Variants in TNFAIP2 observed in about 807,000 individuals in gnomAD.
TNFAIP2 encodes TNF alpha induced protein 2.
In TNFAIP2, 47 loss-of-function variants were observed where a neutral mutation model predicts 63.5. That is an observed-to-expected ratio of 0.74 (90% CI 0.59 to 0.94). The LOEUF is 0.94. Among genes scored for constraint, TNFAIP2 ranks in the 40% least tolerant of loss-of-function variants. The pLI is 0.00. For synonymous variants in TNFAIP2, 405 were observed against 390.2 expected (o/e 1.04, Z -0.45); for missense variants, 787 against 850.2 (o/e 0.93, Z 0.92).
intron 9 of TNFAIP2, 127 bp downstream of exon 9, chr14:103,132,999 C>T: frequency 6.9e-7 from 1 of 1,440,114 alleles, no homozygotes; most frequent in Non-Finnish European, 9.4e-7. Flanking sequence ...CACGTGAATG[C>T]ACGAGCATGT....
At chr14:103,132,962 A>C in intron 9 of TNFAIP2, 90 bp downstream of exon 9, 1 of 1,566,518 alleles carries the variant, frequency 6.4e-7, no homozygotes, top group Non-Finnish European at 8.7e-7. Flanking sequence ...ACTCACGCAC[A>C]TGTGCTCACA....
Position 103,135,727 on chromosome 14 carries a change from T to G in TNFAIP2, c.*367T>G. 1 of 1,253,582 alleles carries G rather than the reference T, an allele frequency of 8.0e-7. No individual in the cohort carries two copies. Among genetic ancestry groups the G allele is most frequent in the Non-Finnish European group, 1.0e-6 (1 of 976,724 alleles). 77.7% of individuals were successfully genotyped at this position (1,253,582 alleles called of 1,614,324 possible). On this transcript the variant is annotated 3_prime_UTR_variant, in exon 12 of 12. Coordinates refer to ENST00000560869, the MANE Select transcript of TNFAIP2 (RefSeq NM_006291.4). The surrounding 1 kb of genome is among the most constrained non-coding windows in gnomAD (Gnocchi z 7.6). ...GCCCCTCCACAGTCGGCCTCATGAC[T>G]GTCCTCCTCGTGGGTGGGGCCGAGG... is the stretch of plus-strand genomic sequence containing the variant.
At chr14:103,129,951 G>T (rs372677943) in intron 4 of TNFAIP2, 51 bp from the exon 5 acceptor site, 127 of 1,606,528 alleles carry the variant, frequency 7.9e-5, no homozygotes, top group Non-Finnish European at 1.0e-4. Flanking sequence ...GGGTCTTCCA[G>T]GTGAGCGAGG....
chr14:103,131,912 C>G lies in TNFAIP2; in HGVS notation c.1422+150C>G, dbSNP rs2087983545. ...ACGGCACCGTGGGCCAGCTCTGGTG[C>G]AGCGGTGATGCCCGGTTGGGGACCC... On this transcript the variant is annotated intron_variant, in intron 8 of 11. Coordinates refer to ENST00000560869, the MANE Select transcript of TNFAIP2 (RefSeq NM_006291.4). The surrounding 1 kb of genome is among the most constrained non-coding windows in gnomAD (Gnocchi z 4.0). The G allele has an allele frequency of 1.7e-6, 2 of 1,180,142 alleles. No individual in the cohort carries two copies. The highest frequency in any genetic ancestry group is 1.5e-5 in the African/African-American group (1 of 64,864). 73.1% of individuals were successfully genotyped at this position (1,180,142 alleles called of 1,614,324 possible).
intron 3 of TNFAIP2, among the ~76,000 whole-genome samples, chr14:103,128,347 G>GGGAGGCT (rs1243460770): frequency 6.6e-6 from 1 of 152,188 alleles, no homozygotes; most frequent in East Asian, 1.9e-4. Context: ...CCCCTCAGGT[G>GGGAGGCT]GGAGGCTGGC....
At chr14:103,121,945 G>T (rs1159489728), upstream of TNFAIP2, among the ~76,000 whole-genome samples, 1 of 152,142 alleles carries the variant, frequency 6.6e-6, no homozygotes, top group Non-Finnish European at 1.5e-5. Flanking sequence ...ATTGCACAAT[G>T]AGGCCACAGC....
At position 103,131,062 on chromosome 14, in the gene TNFAIP2, G is replaced by A. The variant is rs781694049; in HGVS notation, c.1210G>A (p.Ala404Thr). The change falls in exon 7 of 12, where the codon GCC becomes ACC. Residue 404 changes from alanine (A) to threonine (T), a missense_variant. Around this residue, in one of 3 missense-constraint regions of TNFAIP2, gnomAD observed 523 missense variants for 604.1 expected, o/e 0.87. Coordinates refer to ENST00000560869, the MANE Select transcript of TNFAIP2 (RefSeq NM_006291.4). The surrounding 1 kb of genome is among the most constrained non-coding windows in gnomAD (Gnocchi z 4.0). ...TTCTGGTTTCGCCAGCTACCAGCGC[G>A]CCTTTAATGAATTTCTGGAGAGAGG... is the stretch of plus-strand genomic sequence containing the variant. Reference protein sequence around the residue: ...LPAFLRSYQRAFNEFLERGKQ... With the variant: ...LPAFLRSYQRTFNEFLERGKQ... The A allele has an allele frequency of 2.3e-5, 37 of 1,614,042 alleles. No individual in the cohort carries two copies. The highest frequency in any genetic ancestry group is 1.7e-4 in the Admixed American group (10 of 60,004).
chr14:103,124,117 G>T (rs1003801914), intron 1 of TNFAIP2, among the ~76,000 whole-genome samples, 166 bp downstream of exon 1: 1 of 152,162 alleles, frequency 6.6e-6, no homozygotes, highest in African/African-American at 2.4e-5. Flanking sequence ...TTCCTTTCTG[G>T]CTGCACCGGC....
chr14:103,133,056 G>A (rs113585729), intron 9 of TNFAIP2, among the ~76,000 whole-genome samples, 184 bp downstream of exon 9: 8 of 152,076 alleles, frequency 5.3e-5, no homozygotes, highest in Non-Finnish European at 1.0e-4. Flanking sequence ...ACATGTGAAC[G>A]CACGAGCATG....
Position 103,131,865 on chromosome 14 carries a change from A to G in TNFAIP2, c.1422+103A>G. 1 of 1,470,494 alleles carries G rather than the reference A, an allele frequency of 6.8e-7. No individual in the cohort carries two copies. Among genetic ancestry groups the G allele is most frequent in the Non-Finnish European group, 9.1e-7 (1 of 1,100,934 alleles). The allele number at this position is 1,470,494 out of a possible 1,614,324, so 91.1% of individuals were successfully genotyped here. A position where few individuals can be genotyped will look rare whatever the true frequency, so the allele number is the denominator to read the frequency against. On this transcript the variant is annotated intron_variant, in intron 8 of 11. Transcript: ENST00000560869. This position sits in a 1 kb window ranked among gnomAD's most constrained non-coding sequence, Gnocchi z 4.0. ...GAGTGGCAGAAGCAAAGATGTGGGG[A>G]AGACACGCTCCAGGCCTGTGGACGG...
chr14:103,126,559 G>A lies in TNFAIP2; in HGVS notation c.102G>A (p.Lys34=), dbSNP rs952902964. 2 of 1,561,340 alleles carry A rather than the reference G, an allele frequency of 1.3e-6. No individual in the cohort carries two copies. The highest frequency in any genetic ancestry group is 1.7e-6 in the Non-Finnish European group (2 of 1,152,872). Residue 34 remains lysine, a synonymous_variant, in exon 2 of 12, where the codon AAG becomes AAA. Transcript: ENST00000560869. ...CGGCGAAGAAGAAGAAGGAGAAGAA[G>A]AAGAAGTCCAAAGGCCTGGCCAATG... ...EEAAKKKKEK[K]KKSKGLANVF...
chr14:103,135,573 C>T lies in TNFAIP2; in HGVS notation c.*213C>T. 2 of 1,419,686 alleles carry T rather than the reference C, an allele frequency of 1.4e-6. No individual in the cohort carries two copies. Among genetic ancestry groups the T allele is most frequent in the Non-Finnish European group, 1.8e-6 (2 of 1,089,980 alleles). 87.9% of individuals were successfully genotyped at this position (1,419,686 alleles called of 1,614,324 possible). A position where few individuals can be genotyped will look rare whatever the true frequency, so the allele number is the denominator to read the frequency against. On this transcript the variant is annotated 3_prime_UTR_variant, in exon 12 of 12. Transcript: ENST00000560869. The surrounding 1 kb of genome is among the most constrained non-coding windows in gnomAD (Gnocchi z 7.6). ...CATGTCCGATGGGGGCAGGAGCTCC[C>T]ATCCTGGGCAGCCAACCAGGCAACA...
At chr14:103,132,576 T>C in intron 8 of TNFAIP2, 174 bp from the exon 9 acceptor site, 2 of 915,320 alleles carry the variant, frequency 2.2e-6, no homozygotes, top group South Asian at 1.4e-5. Flanking sequence ...CCACTTCCTG[T>C]CTGTGAGCAG....
Position 103,127,691 on chromosome 14 carries a change from C to A in TNFAIP2, c.860+62C>A. 1 of 1,374,434 alleles carries A rather than the reference C, an allele frequency of 7.3e-7. No homozygotes were observed. Among genetic ancestry groups the A allele is most frequent in the Non-Finnish European group, 9.4e-7 (1 of 1,068,704 alleles). 85.1% of individuals were successfully genotyped at this position (1,374,434 alleles called of 1,614,324 possible). ...AGGGTGTCCTCTGTAGGAGGGGTGT[C>A]GAGGGGTGTCGAGGTGTGCCGCCGG... On this transcript the variant is annotated intron_variant, in intron 3 of 11. Coordinates refer to ENST00000560869, the MANE Select transcript of TNFAIP2 (RefSeq NM_006291.4). This position sits in a 1 kb window ranked among gnomAD's most constrained non-coding sequence, Gnocchi z 5.1.
In TNFAIP2 at chr14:103,127,771, G is replaced by A; in HGVS notation, c.860+142G>A. On this transcript the variant is annotated intron_variant, in intron 3 of 11. Transcript: ENST00000560869. The surrounding 1 kb of genome is among the most constrained non-coding windows in gnomAD (Gnocchi z 5.1). ...GTTTTGGGTCCGAGAATGCAGGGGT[G>A]GGACTTGGACTCCCTGGGGCAGAGC... 1.0e-6 allele frequency: 1 copy of A among 994,864 alleles called. No individual in the cohort carries two copies. The highest frequency in any genetic ancestry group is 1.4e-6 in the Non-Finnish European group (1 of 722,054). The allele number at this position is 994,864 out of a possible 1,614,324, so 61.6% of individuals were successfully genotyped here.
rs762929810 is a variant in TNFAIP2 at position 103,135,181 on chromosome 14, G to A, written c.1824-38G>A. ...CAGGGAGCTGGTGAGTAGGGGTGTGGGTGACAGGCTGGGCTGACAGGATGC... is the reference window on the plus strand; with the variant it reads ...CAGGGAGCTGGTGAGTAGGGGTGTGAGTGACAGGCTGGGCTGACAGGATGC... On this transcript the variant is annotated intron_variant, in intron 11 of 11. Coordinates refer to ENST00000560869, the MANE Select transcript of TNFAIP2 (RefSeq NM_006291.4). The surrounding 1 kb of genome is among the most constrained non-coding windows in gnomAD (Gnocchi z 7.6). The A allele has an allele frequency of 6.2e-7, 1 of 1,613,266 alleles. No homozygotes were observed. Among genetic ancestry groups the A allele is most frequent in the Non-Finnish European group, 8.5e-7 (1 of 1,179,842 alleles).
At chr14:103,124,541 G>C (rs944233450) in intron 1 of TNFAIP2, 20 of 152,620 alleles carry the variant, frequency 1.3e-4, no homozygotes, top group African/African-American at 4.8e-4. Flanking sequence ...GGGTGGGACA[G>C]GGAAGGCTGA....
Position 103,123,564 on chromosome 14 carries a change from G to T in TNFAIP2, c.-536G>T, listed in dbSNP as rs957630055. ...CCCGCCCCTACCCCGAGGCCAGGCC[G>T]GATTCCCCGAGGAAAGAGCCTGTCG... On this transcript the variant is annotated 5_prime_UTR_variant, in exon 1 of 12. Coordinates refer to ENST00000560869, the MANE Select transcript of TNFAIP2 (RefSeq NM_006291.4). 1 of 152,234 alleles carries T rather than the reference G, an allele frequency of 6.6e-6. No homozygotes were observed. Among genetic ancestry groups the T allele is most frequent in the Non-Finnish European group, 1.5e-5 (1 of 68,058 alleles). The allele number at this position is 152,234 out of a possible 1,614,324, so 9.4% of individuals were successfully genotyped here.
At position 103,131,582 on chromosome 14, in the gene TNFAIP2, G is replaced by A. The variant is rs544018632; in HGVS notation, c.1299-57G>A. ...AGAGAGGGGGCTGTCTGGCTCCCTG[G>A]GTATGGGGCTATAGGCTGAGCAGGG... On this transcript the variant is annotated intron_variant, in intron 7 of 11. Coordinates refer to ENST00000560869, the MANE Select transcript of TNFAIP2 (RefSeq NM_006291.4). The surrounding 1 kb of genome is among the most constrained non-coding windows in gnomAD (Gnocchi z 4.0). 6.4e-5 allele frequency: 97 copies of A among 1,524,350 alleles called. No individual in the cohort carries two copies. In the South Asian group the frequency reaches 1.1e-3, roughly 17 times the overall value. 94.4% of individuals were successfully genotyped at this position (1,524,350 alleles called of 1,614,324 possible). A position where few individuals can be genotyped will look rare whatever the true frequency, so the allele number is the denominator to read the frequency against.
Sources: allele counts gnomAD v4.1 joint callset (sites outside exome capture counted in the v4.1 genomes callset), GRCh38; gene constraint gnomAD v4.1.1; regional missense constraint gnomAD v4.1.1; non-coding constraint Gnocchi (gnomAD v3.1); transcripts MANE v1.5; gene names NCBI Gene and HGNC (gene_info 2026-07-23, HGNC 2026-07-21).